CACNA1C: variants seen among roughly 807,000 people sequenced by gnomAD.
The protein encoded by CACNA1C is voltage-dependent L-type calcium channel subunit alpha-1C.
Under a neutral mutation model 229.0 loss-of-function variants are expected in CACNA1C, and 30 were observed. The observed-to-expected ratio is 0.13, with a 90% confidence interval of 0.10 to 0.18. CACNA1C has a LOEUF of 0.18. Among genes scored for constraint, CACNA1C ranks in the 10% least tolerant of loss-of-function variants. The pLI, the probability that CACNA1C is intolerant of heterozygous loss-of-function variation, is 1.00. For missense variants in CACNA1C, 1,658 were observed against 2,845.0 expected, an observed-to-expected ratio of 0.58 and a Z score of 9.49; for synonymous variants, 1,114 against 1,132.5, an observed-to-expected ratio of 0.98 and a Z score of 0.33.
rs192326006 is a variant in CACNA1C at position 2,106,068 on chromosome 12, A to G, written c.50-9156A>G. Among the ~76,000 whole-genome samples the G allele has an allele frequency of 3.2e-3, 44 of 13,580 alleles. 5 individuals carry two copies. Among genetic ancestry groups the G allele is most frequent in the East Asian group, 7.8e-3 (3 of 384 alleles). The allele number at this position is 13,580 out of a possible 152,430, so 8.9% of individuals were successfully genotyped here. On this transcript the variant is annotated intron_variant, in intron 1 of 46. Coordinates refer to ENST00000399655, the MANE Select transcript of CACNA1C (RefSeq NM_000719.7). ...AGCCACTGGGCGCCCACCCTGGAGA[A>G]GGTTTCCACCTCAGCTGGGCGTCCT...
chr12:2,455,437 A>G (rs139265726), intron 4 of CACNA1C, among the ~76,000 whole-genome samples: 170 of 152,366 alleles, frequency 1.1e-3, no homozygotes, highest in African/African-American at 3.6e-3. Flanking sequence ...TATATTTATT[A>G]CATGTTGAGA....
chr12:2,149,050 G>C (rs983431426), intron 3 of CACNA1C, among the ~76,000 whole-genome samples: 6 of 152,150 alleles, frequency 3.9e-5, no homozygotes, highest in African/African-American at 1.4e-4. Context: ...CTTGCATCTG[G>C]GAAGATGTGG....
chr12:2,609,708 G>T (rs2076798064), intron 27 of CACNA1C, among the ~76,000 whole-genome samples: 1 of 151,872 alleles, frequency 6.6e-6, no homozygotes, highest in Admixed American at 6.6e-5. Context: ...GGAAGCCTGG[G>T]CAAAGTACAG....
chr12:2,463,397 A>T (rs1008388307), intron 5 of CACNA1C, among the ~76,000 whole-genome samples: 2 of 152,210 alleles, frequency 1.3e-5, no homozygotes, highest in African/African-American at 4.8e-5. Context: ...TACAGAAGTG[A>T]GTCAGATGCT....
At chr12:2,216,222 G>A (rs2059941807) in intron 3 of CACNA1C, among the ~76,000 whole-genome samples, 1 of 152,210 alleles carries the variant, frequency 6.6e-6, no homozygotes, top group Non-Finnish European at 1.5e-5. Context: ...CAGTGCCTCA[G>A]TCGGGCACTG....
intron 7 of CACNA1C, among the ~76,000 whole-genome samples, chr12:2,496,988 G>A (rs2099748081): frequency 6.6e-6 from 1 of 152,188 alleles, no homozygotes; most frequent in Non-Finnish European, 1.5e-5. Context: ...AGGCAGTGAA[G>A]CACCAAGGAG....
rs371146217 is a variant in CACNA1C at position 2,300,834 on chromosome 12, C to T, written c.478-148142C>T. 5.3e-5 allele frequency among the ~76,000 whole-genome samples: 8 copies of T among 152,058 alleles called. No individual in the cohort carries two copies. In the South Asian group the frequency reaches 1.5e-3, roughly 28 times the overall value. On this transcript the variant is annotated intron_variant, in intron 3 of 46. Coordinates refer to ENST00000399655, the MANE Select transcript of CACNA1C (RefSeq NM_000719.7). ...TGAGCCATGGAGGTGGCTGGGGGAG[C>T]CTGTTGGGAGAGTAGGGAGGGATCT...
At chr12:2,638,518 C>T (rs1369982637) in intron 30 of CACNA1C, among the ~76,000 whole-genome samples, 3 of 152,114 alleles carry the variant, frequency 2.0e-5, no homozygotes, top group South Asian at 2.1e-4. Flanking sequence ...TCACGTGACC[C>T]GACTGGTTTT....
chr12:2,101,057 T>C (rs570954892), intron 1 of CACNA1C, among the ~76,000 whole-genome samples: 2 of 152,120 alleles, frequency 1.3e-5, no homozygotes, highest in East Asian at 3.9e-4. Flanking sequence ...GTATATACTT[T>C]TGTGGACCCT....
At chr12:2,376,714 C>T (rs916076641) in intron 3 of CACNA1C, among the ~76,000 whole-genome samples, 18 of 152,128 alleles carry the variant, frequency 1.2e-4, no homozygotes, top group Non-Finnish European at 2.2e-4. Flanking sequence ...CCAAGAACCC[C>T]AACATGAAAC....
intron 3 of CACNA1C, among the ~76,000 whole-genome samples, chr12:2,390,454 C>T (rs542730667): frequency 2.4e-4 from 37 of 152,238 alleles, no homozygotes; most frequent in African/African-American, 7.0e-4. Context: ...ACACTAGAAC[C>T]GACAACAAGA....
chr12:2,088,314 T>G (rs2068548283), intron 1 of CACNA1C, among the ~76,000 whole-genome samples: 1 of 152,182 alleles, frequency 6.6e-6, no homozygotes, highest in South Asian at 2.1e-4. Flanking sequence ...TCTGCTGGGT[T>G]GGAGGCTGGG....
chr12:2,005,146 G>GAA (rs71441670), intron 1 of CACNA1C, among the ~76,000 whole-genome samples: 2 of 131,106 alleles, frequency 1.5e-5, no homozygotes, highest in South Asian at 2.4e-4. Flanking sequence ...AGTTACAAAA[G>GAA]AAAAAAAAAA....
chr12:2,385,506 G>A (rs1042202742), intron 3 of CACNA1C, among the ~76,000 whole-genome samples: 10 of 152,058 alleles, frequency 6.6e-5, no homozygotes, highest in African/African-American at 1.9e-4. Flanking sequence ...GCTAGGACCC[G>A]CTGCTGTCTC....
chr12:2,650,934 G>C (rs2094898436), intron 31 of CACNA1C: 1 of 152,654 alleles, frequency 6.6e-6, no homozygotes, highest in South Asian at 2.1e-4. Flanking sequence ...AGGCCCCAGG[G>C]CAGAGGGGAG....
At chr12:2,625,981 C>G (rs2086249919) in intron 29 of CACNA1C, among the ~76,000 whole-genome samples, 2 of 152,142 alleles carry the variant, frequency 1.3e-5, no homozygotes, top group South Asian at 2.1e-4. Flanking sequence ...AAATAAAAAC[C>G]CTACAAGGGC....
intron 1 of CACNA1C, among the ~76,000 whole-genome samples, chr12:1,978,546 A>G (rs2035114558): frequency 6.6e-6 from 1 of 152,220 alleles, no homozygotes; most frequent in Non-Finnish European, 1.5e-5. Context: ...AGAATCATTT[A>G]TGTACAAGAA....
chr12:2,549,856 C>A (rs760346961), intron 9 of CACNA1C, 87 bp from the exon 10 acceptor site: 6 of 924,802 alleles, frequency 6.5e-6, no homozygotes, highest in Non-Finnish European at 1.0e-5. Flanking sequence ...CTGGGTCTTG[C>A]GGTGGGCGTG....
At chr12:2,593,483 TTA>T in intron 19 of CACNA1C, 138 bp downstream of exon 19, 1 of 770,450 alleles carries the variant, frequency 1.3e-6, no homozygotes, top group Non-Finnish European at 2.0e-6. Flanking sequence ...AGGCACTCAT[TTA>T]GGGAAGAGTC....
Sources: allele counts gnomAD v4.1 joint callset (sites outside exome capture counted in the v4.1 genomes callset), GRCh38; gene constraint gnomAD v4.1.1; transcripts MANE v1.5; gene names NCBI Gene and HGNC (gene_info 2026-07-23, HGNC 2026-07-21).